Variants in MAP4 observed in about 807,000 individuals in gnomAD.
MAP4 encodes the protein microtubule associated protein 4, also known as microtubule-associated protein 4.
MAP4 carries 76 observed loss-of-function variants against 170.2 expected under a neutral mutation model. The observed-to-expected ratio is 0.45, with a 90% CI of 0.37 to 0.54. The LOEUF (loss-of-function observed/expected upper bound fraction) is 0.54, where lower values mean the gene tolerates loss of function less well. Among genes scored for constraint, MAP4 ranks in the 20% least tolerant of loss-of-function variants. The probability of loss-of-function intolerance (pLI) is 0.00; values close to 1 mark genes in which losing one functional copy is unlikely to be tolerated. For synonymous variants in MAP4, 909 were observed against 994.5 expected (o/e 0.91, Z 1.62); for missense variants, 2,506 against 2,748.0 (o/e 0.91, Z 1.97).
At position 47,855,037 on chromosome 3, in the gene MAP4, C is replaced by T. The variant is rs773335812; in HGVS notation, c.6696+211G>A. ...GGAGCAAGGTTCTGCCTCCAGCTGA[C>T]AGGTGAGGGGTGGCTGGGCTGGGGC... is the stretch of plus-strand genomic sequence containing the variant. On this transcript the variant is annotated intron_variant, in intron 19 of 20. Coordinates refer to ENST00000683076, the MANE Select transcript of MAP4 (RefSeq NM_001385682.1). The surrounding 1 kb of genome is among the most constrained non-coding windows in gnomAD (Gnocchi z 5.1). The T allele has an allele frequency of 3.3e-5, 18 of 543,550 alleles. No homozygotes were observed. Among genetic ancestry groups the T allele is most frequent in the Non-Finnish European group, 5.0e-5 (15 of 301,294 alleles). The allele number at this position is 543,550 out of a possible 1,614,324, so 33.7% of individuals were successfully genotyped here.
chr3:47,931,843 A>C (rs1190261725), intron 3 of MAP4: 1 of 152,120 alleles, frequency 6.6e-6, no homozygotes, highest in Non-Finnish European at 1.5e-5. Flanking sequence ...AGAAGCAGGG[A>C]AAGAGTGGAA....
chr3:48,035,336 A>T (rs1172972916), intron 1 of MAP4, among the ~76,000 whole-genome samples: 1 of 151,742 alleles, frequency 6.6e-6, no homozygotes, highest in East Asian at 1.9e-4. Context: ...CAACCCATAT[A>T]AAAAAATAAG....
chr3:47,852,728 CG>C lies in MAP4; in HGVS notation c.*205del. The C allele has an allele frequency of 6.6e-7, 1 of 1,522,940 alleles. No homozygotes were observed. Among genetic ancestry groups the C allele is most frequent in the Non-Finnish European group, 8.8e-7 (1 of 1,137,782 alleles). The allele number at this position is 1,522,940 out of a possible 1,614,324, so 94.3% of individuals were successfully genotyped here. A position where few individuals can be genotyped will look rare whatever the true frequency, so the allele number is the denominator to read the frequency against. The stretch of plus-strand genomic sequence containing the variant: ...GGCAGGGCTGCTGCTGCCCCGGGCA[CG>C]CAAAGCAGGAGGGAAGGCGAGCCTA... On this transcript the variant is annotated 3_prime_UTR_variant, in exon 21 of 21. Transcript: ENST00000683076.
chr3:47,900,974 T>C (rs1354414647), intron 10 of MAP4, among the ~76,000 whole-genome samples: 1 of 152,196 alleles, frequency 6.6e-6, no homozygotes, highest in Non-Finnish European at 1.5e-5. Context: ...TTTCCCCAAT[T>C]TCATCTCAAA....
chr3:47,946,276 T>C (rs150400998), intron 3 of MAP4, among the ~76,000 whole-genome samples: 7 of 151,610 alleles, frequency 4.6e-5, no homozygotes, highest in South Asian at 2.1e-4. Context: ...ATTACACTAA[T>C]TTAGTTTAAT....
At chr3:48,041,462 G>T (rs1401350807) in intron 1 of MAP4, among the ~76,000 whole-genome samples, 1 of 151,990 alleles carries the variant, frequency 6.6e-6, no homozygotes, top group African/African-American at 2.4e-5. Flanking sequence ...ATTCCTGAAA[G>T]AAATTAAGGA....
chr3:47,924,660 C>T (rs1467126904), intron 4 of MAP4, among the ~76,000 whole-genome samples: 1 of 152,184 alleles, frequency 6.6e-6, no homozygotes, highest in African/African-American at 2.4e-5. Context: ...CTGTGGTGAT[C>T]TGAAGACCTG....
In MAP4 at chr3:47,998,540, A is replaced by G. The variant is rs545727082; in HGVS notation, c.223+98T>C. On this transcript the variant is annotated intron_variant, in intron 2 of 20. Transcript: ENST00000683076. ...CATAAAGTTACTAGCCTACACTAAA[A>G]AAACTCAGCTCAATTCTCAGTTTCC... The G allele has an allele frequency of 6.5e-4, 621 of 953,274 alleles. 3 individuals are homozygous for G. In the African/African-American group the frequency reaches 9.0e-3, roughly 14 times the overall value. The allele number at this position is 953,274 out of a possible 1,614,324, so 59.1% of individuals were successfully genotyped here. A position where few individuals can be genotyped will look rare whatever the true frequency, so the allele number is the denominator to read the frequency against.
chr3:47,878,942 A>G (rs2096099719), intron 10 of MAP4, among the ~76,000 whole-genome samples: 1 of 152,224 alleles, frequency 6.6e-6, no homozygotes, highest in South Asian at 2.1e-4. Flanking sequence ...GAACTGTATG[A>G]CCCATAGGCA....
intron 1 of MAP4, among the ~76,000 whole-genome samples, chr3:48,032,908 C>T (rs2100116905): frequency 6.6e-6 from 1 of 152,128 alleles, no homozygotes; most frequent in South Asian, 2.1e-4. Flanking sequence ...CTAACTTACC[C>T]TTGTTGATCA....
chr3:47,906,640 G>A (rs2100033202), intron 9 of MAP4, among the ~76,000 whole-genome samples: 1 of 150,928 alleles, frequency 6.6e-6, no homozygotes, highest in Non-Finnish European at 1.5e-5. Context: ...CTGAGATCAT[G>A]CCATTGCACT....
At chr3:47,988,273 T>TA (rs2100090104) in intron 2 of MAP4, among the ~76,000 whole-genome samples, 1 of 150,136 alleles carries the variant, frequency 6.7e-6, no homozygotes, top group Admixed American at 6.6e-5. Context: ...TTTTTAATGA[T>TA]AAAAAAATTA....
intron 3 of MAP4, chr3:47,974,060 G>C (rs1014840770): frequency 2.0e-6 from 2 of 985,190 alleles, no homozygotes; most frequent in Non-Finnish European, 2.4e-6. Flanking sequence ...TCGCTGCAAG[G>C]ATTCAGTTTA....
intron 1 of MAP4, among the ~76,000 whole-genome samples, chr3:48,073,982 AT>A (rs1165349377): frequency 8.6e-4 from 131 of 152,290 alleles, no homozygotes; most frequent in Non-Finnish European, 4.0e-4. Flanking sequence ...ATTATAAATC[AT>A]GTGTCTTTTA....
chr3:47,995,623 T>C (rs2100095073), intron 2 of MAP4, among the ~76,000 whole-genome samples: 1 of 151,932 alleles, frequency 6.6e-6, no homozygotes, highest in Admixed American at 6.6e-5. Flanking sequence ...CTGCCCCCCC[T>C]CCCCAACACA....
rs543124937 is a variant in MAP4, at chr3:47,862,571, G to A, written c.6501+4675C>T. Reference sequence around the variant, plus strand: ...TGCCTCACTGCAACCTCTGCCTCCCGGGTTCAAGTGATTCTCCTGCGTCAG... The same window carrying A: ...TGCCTCACTGCAACCTCTGCCTCCCAGGTTCAAGTGATTCTCCTGCGTCAG... On this transcript the variant is annotated intron_variant, in intron 17 of 20. Transcript: ENST00000683076. 8.9e-4 allele frequency among the ~76,000 whole-genome samples: 135 copies of A among 151,808 alleles called. 1 individual carries two copies. Among genetic ancestry groups the A allele is most frequent in the African/African-American group, 2.8e-3 (116 of 41,376 alleles).
At chr3:47,927,736 A>T (rs1232028807) in intron 4 of MAP4, among the ~76,000 whole-genome samples, 1 of 152,174 alleles carries the variant, frequency 6.6e-6, no homozygotes, top group East Asian at 1.9e-4. Context: ...TGGCCTCCCA[A>T]AGTGCTGGGA....
chr3:47,938,647 G>C (rs2100054469), intron 3 of MAP4, among the ~76,000 whole-genome samples: 1 of 152,230 alleles, frequency 6.6e-6, no homozygotes, highest in African/African-American at 2.4e-5. Context: ...ACCTCCCAAA[G>C]TGCTAGGATT....
In MAP4 at chr3:47,875,863, G is replaced by A. The variant is rs761271144; in HGVS notation, c.5579C>T (p.Ser1860Leu). The change falls in exon 12 of 21, where the codon TCG (serine) becomes TTG (leucine). Residue 1860 changes from serine to leucine, a missense_variant. Around this residue, in one of 3 missense-constraint regions of MAP4, gnomAD observed 2,008 missense variants for 2,206.0 expected, o/e 0.91. Coordinates refer to ENST00000683076, the MANE Select transcript of MAP4 (RefSeq NM_001385682.1). ...AGAAGTGGGCTGTGTTTTGGCTTTC[G>A]ATGTTGAAGTCTTTGCAGGTTGAGT... is the stretch of plus-strand genomic sequence containing the variant. ...ATTQPAKTST[S>L]KAKTQPTSLP... 1.1e-5 allele frequency: 17 copies of A among 1,612,898 alleles called. No individual in the cohort carries two copies. Among genetic ancestry groups the A allele is most frequent in the Non-Finnish European group, 1.3e-5 (15 of 1,179,738 alleles).
Sources: allele counts gnomAD v4.1 joint callset (sites outside exome capture counted in the v4.1 genomes callset), GRCh38; gene constraint gnomAD v4.1.1; regional missense constraint gnomAD v4.1.1; non-coding constraint Gnocchi (gnomAD v3.1); transcripts MANE v1.5; gene names NCBI Gene and HGNC (gene_info 2026-07-23, HGNC 2026-07-21).